The following ITCH variants were observed in gnomAD, a reference collection of about 807,000 sequenced individuals.
The protein encoded by ITCH is E3 ubiquitin-protein ligase Itchy homolog.
ITCH carries 28 observed loss-of-function variants against 126.8 expected under a neutral mutation model. The ratio of observed to expected loss-of-function variants is 0.22; its 90% CI spans 0.16 to 0.30. The LOEUF is 0.30. ITCH is among the 10% of genes least tolerant of loss of function. The pLI, the probability that ITCH is intolerant of heterozygous loss-of-function variation, is 1.00. For synonymous variants in ITCH, 342 were observed against 340.0 expected (o/e 1.01, Z -0.06); for missense variants, 631 against 1,032.4 (o/e 0.61, Z 5.33).
Position 34,408,750 on chromosome 20 carries a change from G to T in ITCH, c.170G>T (p.Cys57Phe). ...GGACAGTCAAAGAAGACAGAAAAAT[G>T]CAACAACACAAACAGTCCCAAGTGG... ...VDGQSKKTEK[C>F]NNTNSPKWKQ... Residue 57 changes from cysteine (C) to phenylalanine (F), a missense_variant, in exon 4 of 25, where the codon TGC (cysteine) becomes TTC (phenylalanine). Coordinates refer to ENST00000374864, the MANE Select transcript of ITCH (RefSeq NM_031483.7). 1 of 1,614,072 alleles carries T rather than the reference G, an allele frequency of 6.2e-7. No individual in the cohort carries two copies. Among genetic ancestry groups the T allele is most frequent in the Non-Finnish European group, 8.5e-7 (1 of 1,179,978 alleles).
chr20:34,375,696 ATTTTTT>A (rs5841171), intron 2 of ITCH, among the ~76,000 whole-genome samples: 86 of 65,536 alleles, frequency 1.3e-3, no homozygotes, highest in African/African-American at 6.1e-3. Flanking sequence ...GGTAGTTAAA[ATTTTTT>A]TTTTTTTTTT....
At chr20:34,417,583 A>G (rs2146193956) in intron 6 of ITCH, among the ~76,000 whole-genome samples, 1 of 150,158 alleles carries the variant, frequency 6.7e-6, no homozygotes, top group Non-Finnish European at 1.5e-5. Flanking sequence ...TATTTTTAGT[A>G]CAGATGGGGT....
In ITCH at chr20:34,440,536, G is replaced by A. The variant is rs1315656317; in HGVS notation, c.869+192G>A. ...CAGTGGTGTGATCTTGGCTCACTGC[G>A]ACCTCCGCCCCCTGGGTTCAAGTAA... On this transcript the variant is annotated intron_variant, in intron 9 of 24. Transcript: ENST00000374864. Among the ~76,000 whole-genome samples, 8 of 151,604 alleles carry A rather than the reference G, an allele frequency of 5.3e-5. No individual in the cohort carries two copies. In the East Asian group the frequency reaches 1.4e-3, roughly 26 times the overall value.
chr20:34,465,244 G>A (rs1350591991), intron 14 of ITCH, among the ~76,000 whole-genome samples: 1 of 151,670 alleles, frequency 6.6e-6, no homozygotes, highest in Non-Finnish European at 1.5e-5. Context: ...TTATTCTGTT[G>A]GTCTGTATGT....
chr20:34,488,244 A>G (rs1989271276), intron 20 of ITCH, among the ~76,000 whole-genome samples: 1 of 149,912 alleles, frequency 6.7e-6, no homozygotes, highest in Admixed American at 6.6e-5. Context: ...TTGGTGATGC[A>G]TTTTCTCAGC....
chr20:34,462,554 AT>A (rs1986643590), intron 14 of ITCH, among the ~76,000 whole-genome samples: 1 of 152,176 alleles, frequency 6.6e-6, no homozygotes, highest in South Asian at 2.1e-4. Flanking sequence ...CTCATTACTT[AT>A]CCCCCACCCC....
intron 22 of ITCH, among the ~76,000 whole-genome samples, chr20:34,492,188 C>T (rs1037456240): frequency 6.6e-6 from 1 of 152,106 alleles, no homozygotes; most frequent in African/African-American, 2.4e-5. Context: ...GCCCTCCATC[C>T]ATAGTGTTAA....
chr20:34,483,998 CA>C (rs1309054341), intron 20 of ITCH, among the ~76,000 whole-genome samples: 1 of 152,158 alleles, frequency 6.6e-6, no homozygotes, highest in East Asian at 1.9e-4. Flanking sequence ...TTAAAACCAT[CA>C]GATCTTGTGA....
chr20:34,426,509 G>A (rs560089118), intron 7 of ITCH, among the ~76,000 whole-genome samples: 23 of 149,576 alleles, frequency 1.5e-4, no homozygotes, highest in African/African-American at 5.2e-4. Context: ...GCAGTGGCGC[G>A]ATCTCAGCTC....
In ITCH at chr20:34,391,740, A is replaced by G. The variant is rs116999292; in HGVS notation, c.-21-2051A>G. Among the ~76,000 whole-genome samples the G allele has an allele frequency of 9.5e-4, 144 of 152,284 alleles. 1 individual carries two copies. The highest frequency in any genetic ancestry group is 1.5e-3 in the Non-Finnish European group (102 of 68,018). ...TTTTGGCAGAGCACCTCACAATTCT[A>G]CCATAATGATTCTCTGTAATTATCT... is the stretch of plus-strand genomic sequence containing the variant. On this transcript the variant is annotated intron_variant, in intron 2 of 24. Coordinates refer to ENST00000374864, the MANE Select transcript of ITCH (RefSeq NM_031483.7).
chr20:34,505,415 C>T (rs1990559772), intron 24 of ITCH, among the ~76,000 whole-genome samples: 1 of 151,918 alleles, frequency 6.6e-6, no homozygotes, highest in African/African-American at 2.4e-5. Flanking sequence ...ATTTTTTCAC[C>T]CTCCCAAAAA....
intron 3 of ITCH, among the ~76,000 whole-genome samples, chr20:34,408,115 C>T (rs547201945): frequency 1.3e-5 from 2 of 152,118 alleles, no homozygotes; most frequent in Non-Finnish European, 2.9e-5. Flanking sequence ...TAAATTTTTC[C>T]TCCTGTTGCC....
intron 2 of ITCH, among the ~76,000 whole-genome samples, chr20:34,380,843 A>C (rs1039921576): frequency 2.0e-5 from 3 of 151,816 alleles, no homozygotes; most frequent in African/African-American, 7.3e-5. Context: ...GCTGGAGTGC[A>C]GTGGCACAAT....
chr20:34,406,770 G>A (rs1049789508), intron 3 of ITCH, among the ~76,000 whole-genome samples: 1 of 152,002 alleles, frequency 6.6e-6, no homozygotes, highest in Admixed American at 6.6e-5. Context: ...TCCTGACCTC[G>A]TGATCCGCCC....
intron 7 of ITCH, among the ~76,000 whole-genome samples, chr20:34,434,832 A>G (rs1356806895): frequency 6.6e-6 from 1 of 152,224 alleles, no homozygotes; most frequent in Non-Finnish European, 1.5e-5. Context: ...AGATAACCCA[A>G]TTAAAGTTGT....
At chr20:34,497,187 G>A (rs935656065) in intron 23 of ITCH, among the ~76,000 whole-genome samples, 2 of 152,006 alleles carry the variant, frequency 1.3e-5, no homozygotes, top group Non-Finnish European at 2.9e-5. Context: ...AATAGAGATA[G>A]GGTTTCTCTA....
chr20:34,498,997 C>CA (rs1990063585), intron 23 of ITCH, among the ~76,000 whole-genome samples: 1 of 149,240 alleles, frequency 6.7e-6, no homozygotes, highest in South Asian at 2.1e-4. Context: ...TTTCTTGAGA[C>CA]AGAGTCTTGC....
intron 16 of ITCH, among the ~76,000 whole-genome samples, chr20:34,474,371 G>A (rs1006701726): frequency 7.9e-5 from 12 of 152,142 alleles, no homozygotes; most frequent in Admixed American, 3.9e-4. Flanking sequence ...GACTCTTAAC[G>A]AGCATGCTGT....
intron 22 of ITCH, among the ~76,000 whole-genome samples, chr20:34,491,981 G>T (rs991624563): frequency 2.6e-5 from 4 of 152,156 alleles, no homozygotes; most frequent in Non-Finnish European, 5.9e-5. Flanking sequence ...CCTATAGGAC[G>T]GGCAAATCTG....
Sources: allele counts gnomAD v4.1 joint callset (sites outside exome capture counted in the v4.1 genomes callset), GRCh38; gene constraint gnomAD v4.1.1; transcripts MANE v1.5; gene names NCBI Gene and HGNC (gene_info 2026-07-23, HGNC 2026-07-21).